The following DMXL2 variants were observed in gnomAD, a reference collection of about 807,000 sequenced individuals.
DMXL2 encodes the protein dmX-like protein 2.
A neutral mutation model predicts 331.1 loss-of-function variants in DMXL2; 103 were observed. That is an observed-to-expected ratio of 0.31 (90% CI 0.27 to 0.37). The LOEUF (loss-of-function observed/expected upper bound fraction) is 0.37. Ranked by LOEUF, DMXL2 falls within the 10% of genes least tolerant of loss-of-function variation. The pLI is 1.00. For missense variants in DMXL2, 3,171 were observed against 3,642.9 expected (o/e 0.87, Z 3.33); for synonymous variants, 1,281 against 1,252.1 (o/e 1.02, Z -0.49).
chr15:51,463,394 T>C lies in DMXL2; in HGVS notation c.7911A>G (p.Lys2637=). 6.4e-7 allele frequency: 1 copy of C among 1,558,118 alleles called. No homozygotes were observed. The highest frequency in any genetic ancestry group is 2.3e-5 in the East Asian group (1 of 44,120). The change falls in exon 33 of 44, where the codon AAA becomes AAG. Residue 2637 remains lysine, a synonymous_variant. Coordinates refer to ENST00000560891, the MANE Select transcript of DMXL2 (RefSeq NM_001378457.1). Reference sequence around the variant, plus strand: ...CTCAAAATACCTCACTCTGCTTTCTTTTCTTAGTGAAAATATATCTAATAA... The same window carrying C: ...CTCAAAATACCTCACTCTGCTTTCTCTTCTTAGTGAAAATATATCTAATAA... ...ETFIRYIFTK[K]RKQSESIEEH... is the part of the protein sequence containing the mutation.
chr15:51,474,277 TA>T (rs2041378397), intron 28 of DMXL2, 66 bp downstream of exon 28: 14 of 1,479,460 alleles, frequency 9.5e-6, no homozygotes, highest in Admixed American at 2.3e-5. Context: ...CTTGAAACAT[TA>T]AAAAAAATTT....
Position 51,488,570 on chromosome 15 carries a change from C to T in DMXL2, c.5029G>A (p.Ala1677Thr). Residue 1677 changes from alanine to threonine, a missense_variant, in exon 21 of 44, where the codon GCA (alanine) becomes ACA (threonine). By Grantham distance (58) the Ala-to-Thr change is moderately conservative. Around this residue, in one of 7 missense-constraint regions of DMXL2, gnomAD observed 252 missense variants for 387.4 expected, o/e 0.65. Transcript: ENST00000560891. Reference sequence around the variant, plus strand: ...TACCTAAACAGACCCCACACTACTGCTTTCTTCTTCATTGAAAGGTAGAAT... The same window carrying T: ...TACCTAAACAGACCCCACACTACTGTTTTCTTCTTCATTGAAAGGTAGAAT... ...ALFYLSMKKK[A>T]VVWGLFRSQH... 6.2e-7 allele frequency: 1 copy of T among 1,613,526 alleles called. No individual in the cohort carries two copies. The highest frequency in any genetic ancestry group is 8.5e-7 in the Non-Finnish European group (1 of 1,179,846).
intron 1 of DMXL2, among the ~76,000 whole-genome samples, chr15:51,593,733 A>T (rs1380850838): frequency 1.3e-5 from 2 of 152,374 alleles, no homozygotes; most frequent in East Asian, 3.9e-4. Flanking sequence ...CCACAGTGCA[A>T]TCAAACTAGA....
intron 20 of DMXL2, 96 bp downstream of exon 20, chr15:51,491,482 A>T: frequency 7.8e-7 from 1 of 1,288,336 alleles, no homozygotes; most frequent in Non-Finnish European, 1.1e-6. Flanking sequence ...ATAGACAAAC[A>T]AATTTCCCAC....
At chr15:51,573,228 C>T (rs8039255) in intron 2 of DMXL2, among the ~76,000 whole-genome samples, 73,062 of 151,942 alleles carry the variant, frequency 0.48, 17,862 homozygotes, top group Non-Finnish European at 0.52. Flanking sequence ...GAAATAGGAA[C>T]GCTTTTACAC....
chr15:51,541,227 T>C (rs904738590), intron 9 of DMXL2, among the ~76,000 whole-genome samples: 3 of 152,046 alleles, frequency 2.0e-5, no homozygotes, highest in Non-Finnish European at 2.9e-5. Flanking sequence ...AGAAATATAA[T>C]GCAGACCAAA....
chr15:51,576,571 T>G (rs1373580461), intron 1 of DMXL2, among the ~76,000 whole-genome samples: 1 of 151,962 alleles, frequency 6.6e-6, no homozygotes, highest in East Asian at 2.0e-4. Flanking sequence ...GTTCCCAGGG[T>G]TCAAACCAGG....
chr15:51,480,652 G>A lies in DMXL2; in HGVS notation c.6454C>T (p.Gln2152Ter). 6.2e-7 allele frequency: 1 copy of A among 1,612,692 alleles called. No homozygotes were observed. Among genetic ancestry groups the A allele is most frequent in the Non-Finnish European group, 8.5e-7 (1 of 1,178,912 alleles). ...CTGAGAAATACTCTCAGGAGATCTTGGTTTTTCTGCAACCACGACTTTCGT... is the reference window on the plus strand; with the variant it reads ...CTGAGAAATACTCTCAGGAGATCTTAGTTTTTCTGCAACCACGACTTTCGT... The part of the protein sequence containing the change: ...ERRKSWLQKN[Q>*]DLLRVFLSYC... Residue 2152 changes from glutamine (Q) to a stop codon, truncating the protein, a stop_gained, in exon 24 of 44, where the codon CAA becomes TAA. Transcript: ENST00000560891. LOFTEE classifies it high-confidence loss of function.
At chr15:51,515,086 A>T (rs1479643328) in intron 14 of DMXL2, among the ~76,000 whole-genome samples, 1 of 152,174 alleles carries the variant, frequency 6.6e-6, no homozygotes, top group Non-Finnish European at 1.5e-5. Context: ...ATCCTATAAC[A>T]GCCAGCAGGA....
chr15:51,527,290 T>TA (rs1484979970), intron 13 of DMXL2, among the ~76,000 whole-genome samples: 1 of 151,948 alleles, frequency 6.6e-6, no homozygotes, highest in East Asian at 1.9e-4. Flanking sequence ...GTGTATCTAG[T>TA]AAAAATATCC....
At chr15:51,510,020 A>G (rs1007277906) in intron 15 of DMXL2, among the ~76,000 whole-genome samples, 1 of 152,204 alleles carries the variant, frequency 6.6e-6, no homozygotes, top group Non-Finnish European at 1.5e-5. Flanking sequence ...CTCATGCTAA[A>G]AACTCTCAAT....
rs775080894 is a variant in DMXL2 at position 51,564,271 on chromosome 15, A to G, written c.365-11T>C. 1.3e-6 allele frequency: 2 copies of G among 1,569,304 alleles called. No individual in the cohort carries two copies. The highest frequency in any genetic ancestry group is 1.7e-6 in the Non-Finnish European group (2 of 1,161,742). On this transcript the variant is annotated splice_polypyrimidine_tract_variant and intron_variant, in intron 4 of 43. Coordinates refer to ENST00000560891, the MANE Select transcript of DMXL2 (RefSeq NM_001378457.1). ...TCAACAATCTATTATCTGAAAATTA[A>G]AGAATGTTATGATGAATATGCAAAT... is the stretch of plus-strand genomic sequence containing the variant.
At chr15:51,546,505 A>G (rs1018255488) in intron 7 of DMXL2, among the ~76,000 whole-genome samples, 3 of 152,146 alleles carry the variant, frequency 2.0e-5, no homozygotes, top group Non-Finnish European at 4.4e-5. Context: ...ATCCTCAGAT[A>G]TATTTAGTAG....
chr15:51,552,810 G>C (rs1207170981), intron 6 of DMXL2, among the ~76,000 whole-genome samples: 1 of 152,152 alleles, frequency 6.6e-6, no homozygotes, highest in Non-Finnish European at 1.5e-5. Context: ...TTTGGCTAAA[G>C]AATTCAAATT....
At chr15:51,480,424 G>A in intron 24 of DMXL2, 118 bp downstream of exon 24, 1 of 1,240,976 alleles carries the variant, frequency 8.1e-7, no homozygotes, top group East Asian at 2.5e-5. Context: ...ATAAAGAGAG[G>A]AGCTGAACAT....
chr15:51,545,808 AATCCCATT>A, intron 7 of DMXL2, 42 bp from the exon 8 acceptor site: 1 of 1,539,018 alleles, frequency 6.5e-7, no homozygotes, highest in South Asian at 1.2e-5. Flanking sequence ...TGTGAATATC[AATCCCATT>A]AACTAATTAA....
intron 1 of DMXL2, among the ~76,000 whole-genome samples, chr15:51,606,970 C>A (rs2053629997): frequency 6.6e-6 from 1 of 151,638 alleles, no homozygotes; most frequent in African/African-American, 2.4e-5. Flanking sequence ...CCAGCCTAGC[C>A]AACATGGCGA....
At chr15:51,576,293 G>GCT in intron 1 of DMXL2, 112 bp from the exon 2 acceptor site, 1 of 792,276 alleles carries the variant, frequency 1.3e-6, no homozygotes, top group Admixed American at 3.8e-5. Context: ...GTATACCTTG[G>GCT]GACATTTTAC....
intron 1 of DMXL2, among the ~76,000 whole-genome samples, chr15:51,605,196 C>T (rs1297463529): frequency 6.6e-6 from 1 of 151,924 alleles, no homozygotes; most frequent in African/African-American, 2.4e-5. Flanking sequence ...GGGAAAAAAA[C>T]ATATAAATAT....
Sources: allele counts gnomAD v4.1 joint callset (sites outside exome capture counted in the v4.1 genomes callset), GRCh38; gene constraint gnomAD v4.1.1; regional missense constraint gnomAD v4.1.1; transcripts MANE v1.5; gene names NCBI Gene and HGNC (gene_info 2026-07-23, HGNC 2026-07-21).